FIBP: variants seen among roughly 807,000 people sequenced by gnomAD.
The protein encoded by FIBP is acidic fibroblast growth factor intracellular-binding protein.
FIBP carries 29 observed loss-of-function variants against 40.5 expected under a neutral mutation model. The observed-to-expected ratio is 0.72, with a 90% confidence interval of 0.53 to 0.98. FIBP has a LOEUF of 0.98. Among genes scored for constraint, FIBP ranks in the 50% least tolerant of loss-of-function variants. The pLI, the probability that FIBP is intolerant of heterozygous loss-of-function variation, is 0.00. For missense variants in FIBP, 411 were observed against 470.2 expected (o/e 0.87, Z 1.16); for synonymous variants, 215 against 191.1 (o/e 1.13, Z -1.03).
In FIBP at chr11:65,887,996, G is replaced by C. The variant is rs1860285734; in HGVS notation, c.222C>G (p.Pro74=). The change falls in exon 2 of 10, where the codon CCC becomes CCG. Residue 74 remains proline (P), a synonymous_variant. Coordinates refer to ENST00000357519, the MANE Select transcript of FIBP (RefSeq NM_004214.5). ...HMLERLLHAP[P]KLLHQLIFQI... is the part of the protein sequence containing the mutation. The stretch of plus-strand genomic sequence containing the variant: ...GGAAGATGAGCTGGTGCAGTAGCTT[G>C]GGCGGCGCATGCAGCAGCCGCTCGA... The C allele has an allele frequency of 1.2e-6, 2 of 1,613,374 alleles. No individual in the cohort carries two copies. Among genetic ancestry groups the C allele is most frequent in the Non-Finnish European group, 1.7e-6 (2 of 1,179,894 alleles).
At chr11:65,885,765 C>T (rs1241422659) in intron 4 of FIBP, 102 bp from the exon 5 acceptor site, 2 of 1,170,512 alleles carry the variant, frequency 1.7e-6, no homozygotes. Flanking sequence ...TGGCCTCTCT[C>T]TGCCTCAAGT....
rs137950249 is a variant in FIBP, at chr11:65,885,615, C to T, written c.561G>A (p.Gly187=). 1.0e-3 allele frequency: 1,640 copies of T among 1,614,152 alleles called. 2 individuals carry two copies. Among genetic ancestry groups the T allele is most frequent in the Non-Finnish European group, 1.2e-3 (1,439 of 1,180,010 alleles). Residue 187 remains glycine, a synonymous_variant, in exon 5 of 10, where the codon GGG becomes GGA. Transcript: ENST00000357519. ...AGCTCAGATACTGCAGTTTTTTCTT[C>T]CCTGTCTCAAAGCGGTTGTTAGCAA... The part of the protein sequence containing the change: ...VFFANNRFET[G]KKKLQYLSFG...
At chr11:65,886,942 A>T (rs1285740375) in intron 3 of FIBP, 1 of 169,536 alleles carries the variant, frequency 5.9e-6, no homozygotes, top group African/African-American at 2.4e-5. Flanking sequence ...GGTAGAAGCA[A>T]CATGAGTAAA....
At chr11:65,884,821 G>A (rs534999269) in intron 7 of FIBP, 114 bp downstream of exon 7, 17 of 1,393,690 alleles carry the variant, frequency 1.2e-5, no homozygotes, top group Admixed American at 1.2e-4. Context: ...GCCACCAGAG[G>A]GAGCAGCAGT....
In FIBP at chr11:65,884,442, C is replaced by T; in HGVS notation, c.954G>A (p.Arg318=). Residue 318 remains arginine (R), a synonymous_variant, in exon 9 of 10, where the codon CGG becomes CGA. Coordinates refer to ENST00000357519, the MANE Select transcript of FIBP (RefSeq NM_004214.5). ...ACGCTGAATACTGATTCAGGAAGAA[C>T]CGCACGTCGCTGAGTGGCCAGTGGT... ...RSDHWPLSDV[R]FFLNQYSASV... 1 of 1,614,166 alleles carries T rather than the reference C, an allele frequency of 6.2e-7. No individual in the cohort carries two copies. Among genetic ancestry groups the T allele is most frequent in the Non-Finnish European group, 8.5e-7 (1 of 1,180,022 alleles).
chr11:65,885,774 G>C, intron 4 of FIBP, 111 bp from the exon 5 acceptor site: 1 of 1,060,024 alleles, frequency 9.4e-7, no homozygotes, highest in East Asian at 2.4e-5. Flanking sequence ...TCTGCCTCAA[G>C]TCACTGTGTG....
At chr11:65,885,424 A>G in intron 5 of FIBP, 106 bp downstream of exon 5, 1 of 1,397,612 alleles carries the variant, frequency 7.2e-7, no homozygotes, top group Non-Finnish European at 9.8e-7. Flanking sequence ...GGCCATGAAC[A>G]GGAGCGGATG....
intron 5 of FIBP, 159 bp downstream of exon 5, chr11:65,885,371 T>A: frequency 1.0e-6 from 1 of 959,178 alleles, no homozygotes; most frequent in Non-Finnish European, 1.6e-6. Context: ...AGACAAGGTG[T>A]GTGTGGGGAA....
rs768353666 is a variant in FIBP at position 65,884,810 on chromosome 11, G to A, written c.819+125C>T. 5.9e-6 allele frequency: 8 copies of A among 1,345,200 alleles called. No homozygotes were observed. The Admixed American group carries it at 1.0e-4, about 17-fold the overall frequency. 83.3% of individuals were successfully genotyped at this position (1,345,200 alleles called of 1,614,324 possible). A position where few individuals can be genotyped will look rare whatever the true frequency, so the allele number is the denominator to read the frequency against. ...TTGTTTATGAGCTGCTCCCGTCAGC[G>A]GCCACCAGAGGGAGCAGCAGTGCCA... is the stretch of plus-strand genomic sequence containing the variant. On this transcript the variant is annotated intron_variant, in intron 7 of 9. Coordinates refer to ENST00000357519, the MANE Select transcript of FIBP (RefSeq NM_004214.5).
At chr11:65,884,520 T>C (rs774226679) in intron 8 of FIBP, 31 bp from the exon 9 acceptor site, 12 of 1,613,930 alleles carry the variant, frequency 7.4e-6, no homozygotes, top group Non-Finnish European at 1.0e-5. Flanking sequence ...TTAGCACTTG[T>C]ATAGGCCAGG....
intron 7 of FIBP, 56 bp downstream of exon 7, chr11:65,884,879 G>A: frequency 5.0e-6 from 8 of 1,595,766 alleles, no homozygotes; most frequent in Non-Finnish European, 6.9e-6. Context: ...CCCGGTAGGG[G>A]TGGCGAACTG....
chr11:65,886,266 C>T (rs558581417), intron 4 of FIBP, 56 bp downstream of exon 4: 17 of 1,236,916 alleles, frequency 1.4e-5, no homozygotes, highest in South Asian at 3.6e-5. Flanking sequence ...GGAAGGTGGA[C>T]GAGCCTCCGG....
rs200808882 is a variant in FIBP, at chr11:65,884,457, T to C, written c.939A>G (p.Pro313=). The C allele has an allele frequency of 1.2e-6, 2 of 1,614,080 alleles. No homozygotes were observed. ...TCAGGAAGAACCGCACGTCGCTGAG[T>C]GGCCAGTGGTCGGAGCGGCAGGGTT... ...FVEPCRSDHW[P]LSDVRFFLNQ... The change falls in exon 9 of 10, where the codon CCA becomes CCG. Residue 313 remains proline (P), a synonymous_variant. Coordinates refer to ENST00000357519, the MANE Select transcript of FIBP (RefSeq NM_004214.5).
At chr11:65,886,268 A>C in intron 4 of FIBP, 54 bp downstream of exon 4, 1 of 1,260,608 alleles carries the variant, frequency 7.9e-7, no homozygotes, top group Middle Eastern at 2.3e-4. Context: ...AAGGTGGACG[A>C]GCCTCCGGGC....
intron 7 of FIBP, 130 bp from the exon 8 acceptor site, chr11:65,884,786 T>G: frequency 7.7e-7 from 1 of 1,304,514 alleles, no homozygotes; most frequent in Non-Finnish European, 1.1e-6. Flanking sequence ...AAGTCCCCAT[T>G]GTTTATGAGC....
Position 65,887,921 on chromosome 11 carries a change from A to T in FIBP, c.284+13T>A, listed in dbSNP as rs1317362154. The T allele has an allele frequency of 6.2e-7, 1 of 1,612,134 alleles. No individual in the cohort carries two copies. ...GACTGGTTGATGTCTCCACCATCCCAGAGGGTGAGCACCTCTCGATGAGTA... is the reference window on the plus strand; with the variant it reads ...GACTGGTTGATGTCTCCACCATCCCTGAGGGTGAGCACCTCTCGATGAGTA... On this transcript the variant is annotated intron_variant, in intron 2 of 9. Coordinates refer to ENST00000357519, the MANE Select transcript of FIBP (RefSeq NM_004214.5).
rs576373818 is a variant in FIBP, at chr11:65,888,240, C to A, written c.85+94G>T. On this transcript the variant is annotated intron_variant, in intron 1 of 9. Transcript: ENST00000357519. Reference sequence around the variant, plus strand: ...CCTCTTATTCCCAGGCGCTCGCCCACTTCCCTAAAGGATGCCCAAGTCTTA... The same window carrying A: ...CCTCTTATTCCCAGGCGCTCGCCCAATTCCCTAAAGGATGCCCAAGTCTTA... 7.6e-5 allele frequency: 113 copies of A among 1,477,380 alleles called. No individual in the cohort carries two copies. In the Middle Eastern group the frequency reaches 1.9e-3, roughly 25 times the overall value. The allele number at this position is 1,477,380 out of a possible 1,614,324, so 91.5% of individuals were successfully genotyped here. A position where few individuals can be genotyped will look rare whatever the true frequency, so the allele number is the denominator to read the frequency against.
rs1860152889 is a variant in FIBP, at chr11:65,883,743, C to T, written c.*231G>A. The T allele has an allele frequency of 7.8e-6, 7 of 900,770 alleles. No individual in the cohort carries two copies. Among genetic ancestry groups the T allele is most frequent in the Non-Finnish European group, 1.2e-5 (7 of 576,566 alleles). 55.8% of individuals were successfully genotyped at this position (900,770 alleles called of 1,614,324 possible). A position where few individuals can be genotyped will look rare whatever the true frequency, so the allele number is the denominator to read the frequency against. ...GAATAAACCAAGACAAGACCTCTGG[C>T]TTGTGAGCAGACTCTTCTGGTGGAT... is the stretch of plus-strand genomic sequence containing the variant. On this transcript the variant is annotated 3_prime_UTR_variant, in exon 10 of 10. Transcript: ENST00000357519.
intron 3 of FIBP, 154 bp downstream of exon 3, chr11:65,887,446 G>GA (rs35947009): frequency 0.25 from 152,207 of 615,490 alleles, 4,989 homozygotes; most frequent in African/African-American, 0.42. Context: ...ACTCCATCTC[G>GA]AAAAAAAAAA....
Sources: allele counts gnomAD v4.1 joint callset, GRCh38; gene constraint gnomAD v4.1.1; transcripts MANE v1.5; gene names NCBI Gene and HGNC (gene_info 2026-07-23, HGNC 2026-07-21).